MTSS1: variants seen among roughly 807,000 people sequenced by gnomAD.
The protein encoded by MTSS1 is MTSS I-BAR domain containing 1, also known as protein MTSS 1.
MTSS1 carries 18 observed loss-of-function variants against 79.0 expected under a neutral mutation model. The ratio of observed to expected loss-of-function variants is 0.23; its 90% confidence interval spans 0.16 to 0.34. The LOEUF is 0.34. Ranked by LOEUF, MTSS1 falls within the 10% of genes least tolerant of loss-of-function variation. The pLI is 1.00. For missense variants in MTSS1, 815 were observed against 986.2 expected, an observed-to-expected ratio of 0.83 and a Z score of 2.33; for synonymous variants, 341 against 368.6, an observed-to-expected ratio of 0.93 and a Z score of 0.86.
chr8:124,580,434 T>C, intron 6 of MTSS1: 2 of 1,100,580 alleles, frequency 1.8e-6, no homozygotes, highest in Admixed American at 2.2e-5. Flanking sequence ...GCACAGTTGA[T>C]TGTTTTGAGC....
intron 3 of MTSS1, among the ~76,000 whole-genome samples, chr8:124,679,118 A>G (rs576354207): frequency 6.6e-6 from 1 of 152,352 alleles, no homozygotes; most frequent in East Asian, 1.9e-4. Context: ...TCCGAATCCT[A>G]GAGGAGGCAA....
chr8:124,708,253 G>A (rs928135312), intron 1 of MTSS1, among the ~76,000 whole-genome samples: 3 of 152,158 alleles, frequency 2.0e-5, no homozygotes, highest in Admixed American at 6.5e-5. Context: ...GAGGAGGAAC[G>A]AATGAGGTCA....
chr8:124,606,667 C>A (rs1834937962), intron 3 of MTSS1, among the ~76,000 whole-genome samples: 1 of 151,932 alleles, frequency 6.6e-6, no homozygotes, highest in Non-Finnish European at 1.5e-5. Flanking sequence ...TCTTCCCCCA[C>A]CCCCGATCCT....
At chr8:124,705,761 T>C (rs1188007562) in intron 1 of MTSS1, among the ~76,000 whole-genome samples, 1 of 152,236 alleles carries the variant, frequency 6.6e-6, no homozygotes, top group Non-Finnish European at 1.5e-5. Flanking sequence ...TTCTTACCCT[T>C]AGAGCAGGTT....
chr8:124,709,527 A>C (rs78470078), intron 1 of MTSS1, among the ~76,000 whole-genome samples: 2,071 of 152,336 alleles, frequency 0.014, 38 homozygotes, highest in African/African-American at 0.047. Context: ...CAAAATGAGA[A>C]GGCGCACCTC....
intron 3 of MTSS1, among the ~76,000 whole-genome samples, chr8:124,643,557 G>C (rs990322740): frequency 6.6e-6 from 1 of 151,924 alleles, no homozygotes; most frequent in African/African-American, 2.4e-5. Flanking sequence ...AATTAGCCAG[G>C]CGTGGTGGCA....
chr8:124,562,379 A>G (rs1825528240), intron 10 of MTSS1, among the ~76,000 whole-genome samples: 1 of 152,214 alleles, frequency 6.6e-6, no homozygotes, highest in Non-Finnish European at 1.5e-5. Context: ...AGCGCTATTC[A>G]ACCATAGAAT....
chr8:124,727,079 C>T lies in MTSS1; in HGVS notation c.72+805G>A, dbSNP rs1009616499. Among the ~76,000 whole-genome samples, 1 of 152,116 alleles carries T rather than the reference C, an allele frequency of 6.6e-6. No individual in the cohort carries two copies. Reference sequence around the variant, plus strand: ...GAAAAAACCAGGGTGTTGTTCCCCGCCCCCACGCGCGCGCGCGCACACACA... The same window carrying T: ...GAAAAAACCAGGGTGTTGTTCCCCGTCCCCACGCGCGCGCGCGCACACACA... On this transcript the variant is annotated intron_variant, in intron 1 of 13. Coordinates refer to ENST00000518547, the MANE Select transcript of MTSS1 (RefSeq NM_014751.6). The surrounding 1 kb of genome is among the most constrained non-coding windows in gnomAD (Gnocchi z 4.7).
chr8:124,645,635 T>G (rs1225090501), intron 3 of MTSS1, among the ~76,000 whole-genome samples: 1 of 152,116 alleles, frequency 6.6e-6, no homozygotes. Context: ...TTCTGTTCTT[T>G]GAACTACTGT....
chr8:124,581,459 TTTA>T lies in MTSS1; in HGVS notation c.460+3625_460+3627del, dbSNP rs200467058. The stretch of plus-strand genomic sequence containing the variant: ...AAACAGAAGGCTTTACCAGAATTTT[TTTA>T]TTTTTTTTTTTGAGACAGAGTCTCC... On this transcript the variant is annotated intron_variant, in intron 6 of 13. Transcript: ENST00000518547. Among the ~76,000 whole-genome samples, 30 of 137,742 alleles carry T rather than the reference TTTA, an allele frequency of 2.2e-4. 2 individuals carry two copies. Among genetic ancestry groups the T allele is most frequent in the East Asian group, 4.2e-4 (2 of 4,780 alleles). The allele number at this position is 137,742 out of a possible 152,430, so 90.4% of individuals were successfully genotyped here.
In MTSS1 at chr8:124,553,746, T is replaced by G. The variant is rs1013000729; in HGVS notation, c.1568-54A>C. On this transcript the variant is annotated intron_variant, in intron 13 of 13. Transcript: ENST00000518547. The surrounding 1 kb of genome is among the most constrained non-coding windows in gnomAD (Gnocchi z 6.0). ...CAAGACAGCAGCTGTGCTTTTTTGA[T>G]TCTTCTGGGCTGGGAGGACAAAAGG... 2.0e-6 allele frequency: 3 copies of G among 1,506,734 alleles called. No homozygotes were observed. In the Admixed American group the frequency reaches 5.5e-5, roughly 28 times the overall value. 93.3% of individuals were successfully genotyped at this position (1,506,734 alleles called of 1,614,324 possible).
intron 3 of MTSS1, among the ~76,000 whole-genome samples, chr8:124,633,732 T>C (rs1216288290): frequency 6.6e-6 from 1 of 151,256 alleles, no homozygotes; most frequent in East Asian, 1.9e-4. Flanking sequence ...ATCACACCAC[T>C]GCACACTCCA....
At chr8:124,718,783 C>A (rs959042756) in intron 1 of MTSS1, among the ~76,000 whole-genome samples, 1 of 152,166 alleles carries the variant, frequency 6.6e-6, no homozygotes. Context: ...GCTCCTCCAG[C>A]AAAACAAACA....
intron 3 of MTSS1, among the ~76,000 whole-genome samples, chr8:124,603,497 T>G (rs752492): frequency 2.6e-5 from 4 of 152,120 alleles, no homozygotes; most frequent in Admixed American, 2.0e-4. Context: ...AAGGTCAAAG[T>G]CAGCACTCAG....
chr8:124,691,986 A>G (rs1828013568), intron 3 of MTSS1, among the ~76,000 whole-genome samples: 2 of 152,062 alleles, frequency 1.3e-5, no homozygotes, highest in Admixed American at 1.3e-4. Flanking sequence ...AAGTAGTAAT[A>G]AGAAGACAAA....
chr8:124,569,543 G>A (rs1021858973), intron 6 of MTSS1, among the ~76,000 whole-genome samples: 3 of 152,186 alleles, frequency 2.0e-5, no homozygotes, highest in African/African-American at 7.2e-5. Flanking sequence ...GGGGACAGCA[G>A]GGTGACAGCA....
At chr8:124,567,640 T>C (rs1023962457) in intron 7 of MTSS1, 11 of 1,395,852 alleles carry the variant, frequency 7.9e-6, no homozygotes, top group Non-Finnish European at 1.0e-5. Flanking sequence ...TTCTTGTGCT[T>C]TTCCAGCAAC....
In MTSS1 at chr8:124,553,187, T is replaced by A; in HGVS notation, c.2073A>T (p.Pro691=). The A allele has an allele frequency of 6.2e-7, 1 of 1,614,130 alleles. No homozygotes were observed. The highest frequency in any genetic ancestry group is 8.5e-7 in the Non-Finnish European group (1 of 1,180,020). ...SIPEEHRQAI[P]ESEAEDQERE... ...GTTCCTGGTCTTCAGCTTCACTTTC[T>A]GGAATTGCCTGTCTGTGCTCCTCAG... The change falls in exon 14 of 14, where the codon CCA becomes CCT. Residue 691 remains proline (P), a synonymous_variant. Transcript: ENST00000518547. This position sits in a 1 kb window ranked among gnomAD's most constrained non-coding sequence, Gnocchi z 6.0.
At chr8:124,556,738 T>G (rs770726161) in intron 11 of MTSS1, among the ~76,000 whole-genome samples, 3 of 152,198 alleles carry the variant, frequency 2.0e-5, no homozygotes, top group Admixed American at 6.5e-5. Flanking sequence ...ACATCGTGCT[T>G]CTCCTGTCTG....
Sources: gnomAD v4.1 joint callset for allele counts (sites outside exome capture counted in the v4.1 genomes callset) on GRCh38, gnomAD v4.1.1 for gene constraint, Gnocchi (gnomAD v3.1) non-coding constraint, MANE v1.5 for transcripts, NCBI Gene and HGNC (gene_info 2026-07-23, HGNC 2026-07-21) for gene names.